Variants in GRIN2B observed in about 807,000 individuals in gnomAD.
The protein encoded by GRIN2B is glutamate ionotropic receptor NMDA type subunit 2B.
A neutral mutation model predicts 114.5 loss-of-function variants in GRIN2B; 5 were observed. That is an observed-to-expected ratio of 0.04 (90% CI 0.02 to 0.09). GRIN2B has a LOEUF of 0.09. GRIN2B is among the 10% of genes least tolerant of loss of function. GRIN2B has a pLI of 1.00. For missense variants in GRIN2B, 1,108 were observed against 1,943.5 expected (o/e 0.57, Z 8.08); for synonymous variants, 787 against 745.1 (o/e 1.06, Z -0.92).
At chr12:13,958,732 C>T (rs1867638715) in intron 2 of GRIN2B, among the ~76,000 whole-genome samples, 1 of 152,144 alleles carries the variant, frequency 6.6e-6, no homozygotes, top group Non-Finnish European at 1.5e-5. Context: ...TGTTCTCCTT[C>T]TCCTCTTTCT....
At chr12:13,758,977 T>A (rs982648762) in intron 3 of GRIN2B, among the ~76,000 whole-genome samples, 1 of 151,646 alleles carries the variant, frequency 6.6e-6, no homozygotes, top group East Asian at 1.9e-4. Flanking sequence ...TGAAATGAAT[T>A]TGATGATCTC....
intron 5 of GRIN2B, among the ~76,000 whole-genome samples, chr12:13,634,944 G>A (rs1024080400): frequency 5.3e-5 from 8 of 152,172 alleles, no homozygotes; most frequent in African/African-American, 1.9e-4. Flanking sequence ...TTATTGGGAG[G>A]CTATGAAAAA....
chr12:13,734,559 GT>G (rs1358588582), intron 4 of GRIN2B, among the ~76,000 whole-genome samples: 1 of 152,158 alleles, frequency 6.6e-6, no homozygotes, highest in African/African-American at 2.4e-5. Context: ...TAATAATCAG[GT>G]TTTGTACTCC....
chr12:13,833,184 G>T (rs1396486731), intron 3 of GRIN2B, among the ~76,000 whole-genome samples: 3 of 152,156 alleles, frequency 2.0e-5, no homozygotes. Context: ...GTAGACAGAG[G>T]ATGTAGACTT....
At chr12:13,663,578 T>G (rs1949945542) in intron 5 of GRIN2B, among the ~76,000 whole-genome samples, 1 of 152,344 alleles carries the variant, frequency 6.6e-6, no homozygotes, top group Non-Finnish European at 1.5e-5. Context: ...GCTGCTGTGC[T>G]ATGCTGTAGA....
At chr12:13,699,262 C>T (rs926515914) in intron 4 of GRIN2B, among the ~76,000 whole-genome samples, 5 of 152,134 alleles carry the variant, frequency 3.3e-5, no homozygotes, top group East Asian at 3.9e-4. Flanking sequence ...TCCCCAATAC[C>T]TGCAGTGCAT....
intron 10 of GRIN2B, among the ~76,000 whole-genome samples, chr12:13,588,173 GAAGGTAGCCTA>G (rs906659774): frequency 1.2e-4 from 19 of 152,324 alleles, no homozygotes; most frequent in Non-Finnish European, 2.6e-4. Context: ...GGATTACAGA[GAAGGTAGCCTA>G]CTTCAAAATT....
chr12:13,712,652 G>A (rs1270972065), intron 4 of GRIN2B, among the ~76,000 whole-genome samples: 1 of 151,746 alleles, frequency 6.6e-6, no homozygotes, highest in African/African-American at 2.4e-5. Flanking sequence ...CACCTAGTGT[G>A]CTTTGTTTCC....
chr12:13,695,814 C>T (rs1293697842), intron 4 of GRIN2B, among the ~76,000 whole-genome samples: 1 of 152,058 alleles, frequency 6.6e-6, no homozygotes. Context: ...AGTTAAGCGG[C>T]TCATAGTGTA....
At chr12:13,881,017 C>T (rs887230665) in intron 2 of GRIN2B, among the ~76,000 whole-genome samples, 8 of 140,328 alleles carry the variant, frequency 5.7e-5, no homozygotes, top group South Asian at 2.3e-4. Context: ...TGTGTGTGCG[C>T]GTGCGCGCAC....
intron 4 of GRIN2B, among the ~76,000 whole-genome samples, chr12:13,688,075 T>A (rs904574795): frequency 6.6e-6 from 1 of 152,208 alleles, no homozygotes; most frequent in Non-Finnish European, 1.5e-5. Context: ...GTAAATACTA[T>A]AATGAAGGCC....
chr12:13,812,482 C>T (rs929224911), intron 3 of GRIN2B, among the ~76,000 whole-genome samples: 5 of 151,838 alleles, frequency 3.3e-5, no homozygotes, highest in South Asian at 2.1e-4. Flanking sequence ...TTCATTGTTC[C>T]TCTTCTCATG....
intron 2 of GRIN2B, among the ~76,000 whole-genome samples, chr12:13,910,359 G>A (rs1866609329): frequency 6.6e-6 from 1 of 152,184 alleles, no homozygotes; most frequent in Non-Finnish European, 1.5e-5. Flanking sequence ...ATGCCTTGGT[G>A]TTAGGTTCCT....
At chr12:13,951,975 G>C (rs1366356202) in intron 2 of GRIN2B, among the ~76,000 whole-genome samples, 1 of 151,968 alleles carries the variant, frequency 6.6e-6, no homozygotes, top group Non-Finnish European at 1.5e-5. Context: ...ATCTGTACAG[G>C]TCTTATACCT....
At chr12:13,725,799 T>C (rs1862974505) in intron 4 of GRIN2B, among the ~76,000 whole-genome samples, 1 of 152,124 alleles carries the variant, frequency 6.6e-6, no homozygotes, top group Non-Finnish European at 1.5e-5. Flanking sequence ...GAACCCTAAG[T>C]TCTGATGCTG....
chr12:13,570,571 T>TGAAACTACAAGAGAAAGCAAAATACAG (rs1565457370), intron 11 of GRIN2B, among the ~76,000 whole-genome samples: 3 of 151,768 alleles, frequency 2.0e-5, no homozygotes, highest in Admixed American at 6.6e-5. Context: ...AGCAGATGAG[T>TGAAACTACAAGAGAAAGCAAAATACAG]GAAACTACAA....
In GRIN2B at chr12:13,562,594, A is replaced by T. The variant is rs1948559641; in HGVS notation, c.*189T>A. 1.6e-6 allele frequency: 1 copy of T among 613,830 alleles called. No individual in the cohort carries two copies. Among genetic ancestry groups the T allele is most frequent in the South Asian group, 1.9e-5 (1 of 51,802 alleles). 38.0% of individuals were successfully genotyped at this position (613,830 alleles called of 1,614,324 possible). A position where few individuals can be genotyped will look rare whatever the true frequency, so the allele number is the denominator to read the frequency against. On this transcript the variant is annotated 3_prime_UTR_variant, in exon 14 of 14. Transcript: ENST00000609686. ...GAAGAAGGAGAGAACTGTGAAAAGGAGGAGAGATGGTGCTGGTCACCAGGG... is the reference window on the plus strand; with the variant it reads ...GAAGAAGGAGAGAACTGTGAAAAGGTGGAGAGATGGTGCTGGTCACCAGGG...
intron 4 of GRIN2B, among the ~76,000 whole-genome samples, chr12:13,742,024 G>C (rs1259919290): frequency 6.6e-6 from 1 of 152,090 alleles, no homozygotes; most frequent in Non-Finnish European, 1.5e-5. Flanking sequence ...CTTGATTATA[G>C]GAAGCATTTT....
chr12:13,821,632 GATCA>G (rs917833666), intron 3 of GRIN2B, among the ~76,000 whole-genome samples: 1 of 152,150 alleles, frequency 6.6e-6, no homozygotes, highest in African/African-American at 2.4e-5. Context: ...ATTTGTCTGG[GATCA>G]ATCCTGGCTC....
Sources: gnomAD v4.1 joint callset for allele counts (sites outside exome capture counted in the v4.1 genomes callset) on GRCh38, gnomAD v4.1.1 for gene constraint, MANE v1.5 for transcripts, NCBI Gene and HGNC (gene_info 2026-07-23, HGNC 2026-07-21) for gene names.